SPAG16: variants seen among roughly 807,000 people sequenced by gnomAD.
The protein encoded by SPAG16 is sperm-associated antigen 16 protein.
SPAG16 carries 86 observed loss-of-function variants against 80.4 expected under a neutral mutation model. That is an observed-to-expected ratio of 1.07 (90% confidence interval 0.90 to 1.28). The LOEUF is 1.28. Ranked by LOEUF, SPAG16 falls within the 50% of genes most tolerant of loss-of-function variation. The pLI, the probability that SPAG16 is intolerant of heterozygous loss-of-function variation, is 0.00. For synonymous variants in SPAG16, 294 were observed against 265.9 expected, an observed-to-expected ratio of 1.11 and a Z score of -1.03; for missense variants, 870 against 765.3, an observed-to-expected ratio of 1.14 and a Z score of -1.61.
chr2:213,929,275 A>C (rs916095718), intron 11 of SPAG16, among the ~76,000 whole-genome samples: 2 of 151,906 alleles, frequency 1.3e-5, no homozygotes, highest in Non-Finnish European at 2.9e-5. Context: ...CGGCCACCCA[A>C]AGTGCTGGGA....
chr2:213,458,601 G>T (rs1000641046), intron 9 of SPAG16, among the ~76,000 whole-genome samples: 1 of 152,008 alleles, frequency 6.6e-6, no homozygotes, highest in Admixed American at 6.6e-5. Context: ...ATTCCTAAAT[G>T]TAAGCCTATT....
Position 213,683,500 on chromosome 2 carries a change from G to A in SPAG16, c.1071-178985G>A, listed in dbSNP as rs563144044. ...CAGGATGCAGAGGTTGCAGTGAGCC[G>A]AGATCGCATCACTGCATTCCAGCCT... On this transcript the variant is annotated intron_variant, in intron 10 of 15. Coordinates refer to ENST00000331683, the MANE Select transcript of SPAG16 (RefSeq NM_024532.5). 5.9e-5 allele frequency among the ~76,000 whole-genome samples: 9 copies of A among 151,724 alleles called. No homozygotes were observed. The East Asian group carries it at 7.8e-4, about 13-fold the overall frequency.
intron 10 of SPAG16, among the ~76,000 whole-genome samples, chr2:213,752,912 T>C (rs2068146040): frequency 6.6e-6 from 1 of 152,206 alleles, no homozygotes; most frequent in South Asian, 2.1e-4. Context: ...CAAACCATCG[T>C]CTTATGTTCA....
intron 6 of SPAG16, among the ~76,000 whole-genome samples, chr2:213,350,014 G>A (rs1475419596): frequency 6.6e-6 from 1 of 152,052 alleles, no homozygotes; most frequent in Non-Finnish European, 1.5e-5. Flanking sequence ...TTTTTTAAAG[G>A]TATATTATAT....
At chr2:214,188,566 G>A (rs1023377852) in intron 15 of SPAG16, among the ~76,000 whole-genome samples, 7 of 151,998 alleles carry the variant, frequency 4.6e-5, no homozygotes, top group Non-Finnish European at 2.9e-5. Flanking sequence ...ACATTCTTTG[G>A]TACCTAATCC....
intron 10 of SPAG16, among the ~76,000 whole-genome samples, chr2:213,838,465 G>A (rs971632446): frequency 3.1e-4 from 47 of 152,174 alleles, no homozygotes; most frequent in Non-Finnish European, 1.3e-4. Context: ...GAGCCACTGC[G>A]CTGGGCCATC....
chr2:213,787,022 G>T (rs1026331861), intron 10 of SPAG16, among the ~76,000 whole-genome samples: 3 of 152,074 alleles, frequency 2.0e-5, no homozygotes, highest in Admixed American at 1.3e-4. Context: ...AAAGGTCTAA[G>T]AAAATTTACA....
intron 12 of SPAG16, among the ~76,000 whole-genome samples, chr2:214,007,768 C>CTT (rs1283886790): frequency 6.6e-6 from 1 of 152,016 alleles, no homozygotes; most frequent in Admixed American, 6.6e-5. Context: ...TTATGTTTTG[C>CTT]TTTTGACAGT....
chr2:213,781,783 T>C (rs552173772), intron 10 of SPAG16, among the ~76,000 whole-genome samples: 1 of 152,334 alleles, frequency 6.6e-6, no homozygotes, highest in East Asian at 1.9e-4. Flanking sequence ...TTGAATGTGT[T>C]CATTGAAGAG....
intron 10 of SPAG16, among the ~76,000 whole-genome samples, chr2:213,585,966 C>G (rs1273368366): frequency 6.6e-6 from 1 of 152,046 alleles, no homozygotes; most frequent in Non-Finnish European, 1.5e-5. Flanking sequence ...AGCATTTAAT[C>G]TAATCATCTC....
chr2:214,152,678 C>A (rs574259292), intron 15 of SPAG16, among the ~76,000 whole-genome samples: 1 of 152,154 alleles, frequency 6.6e-6, no homozygotes, highest in African/African-American at 2.4e-5. Flanking sequence ...CCAGTAGTGG[C>A]CCCGAATGTC....
chr2:213,824,657 T>TATAGTATACC (rs2073160903), intron 10 of SPAG16, among the ~76,000 whole-genome samples: 1 of 152,214 alleles, frequency 6.6e-6, no homozygotes, highest in Admixed American at 6.5e-5. Context: ...GTAGTATAGT[T>TATAGTATACC]TGAAGTCAGG....
intron 12 of SPAG16, among the ~76,000 whole-genome samples, chr2:213,991,642 C>A (rs1019835319): frequency 6.6e-6 from 1 of 152,084 alleles, no homozygotes; most frequent in African/African-American, 2.4e-5. Context: ...ATGAGGCAAT[C>A]ATGAGTCATG....
chr2:213,989,366 C>T (rs750204714), intron 12 of SPAG16, among the ~76,000 whole-genome samples: 9 of 152,074 alleles, frequency 5.9e-5, no homozygotes, highest in South Asian at 2.1e-4. Context: ...ACTCAGTTTG[C>T]GGAATGGAAA....
intron 9 of SPAG16, among the ~76,000 whole-genome samples, chr2:213,461,810 A>C (rs776219144): frequency 1.3e-5 from 2 of 152,186 alleles, no homozygotes; most frequent in Non-Finnish European, 2.9e-5. Context: ...CAAAAATGCT[A>C]TAGGAATAGA....
At chr2:214,178,129 C>A (rs2057188464) in intron 15 of SPAG16, among the ~76,000 whole-genome samples, 1 of 147,374 alleles carries the variant, frequency 6.8e-6, no homozygotes, top group African/African-American at 2.5e-5. Flanking sequence ...TTTATTAACC[C>A]AAATTAGCTT....
At chr2:213,903,486 G>A (rs547286555) in intron 11 of SPAG16, among the ~76,000 whole-genome samples, 87 of 152,248 alleles carry the variant, frequency 5.7e-4, no homozygotes, top group Middle Eastern at 6.8e-3. Context: ...CCTTTCATCC[G>A]CAGCTGGAAC....
At chr2:214,181,110 AATAT>A (rs1315028451) in intron 15 of SPAG16, among the ~76,000 whole-genome samples, 1 of 151,888 alleles carries the variant, frequency 6.6e-6, no homozygotes, top group Non-Finnish European at 1.5e-5. Context: ...AAATGACATA[AATAT>A]TGCTTGAAAG....
At chr2:214,227,684 C>A (rs1438480017) in intron 15 of SPAG16, among the ~76,000 whole-genome samples, 2 of 142,560 alleles carry the variant, frequency 1.4e-5, no homozygotes, top group Non-Finnish European at 3.1e-5. Flanking sequence ...TAATAAATTT[C>A]TTTCTTGTGG....
Sources: allele counts gnomAD v4.1 joint callset (sites outside exome capture counted in the v4.1 genomes callset), GRCh38; gene constraint gnomAD v4.1.1; transcripts MANE v1.5; gene names NCBI Gene and HGNC (gene_info 2026-07-23, HGNC 2026-07-21).